The following PPP4R3B variants were observed in gnomAD, a reference collection of about 807,000 sequenced individuals.
PPP4R3B encodes the protein protein phosphatase 4 regulatory subunit 3B, also known as serine/threonine-protein phosphatase 4 regulatory subunit 3B.
A neutral mutation model predicts 95.4 loss-of-function variants in PPP4R3B; 52 were observed. That is an observed-to-expected ratio of 0.54 (90% CI 0.44 to 0.69). PPP4R3B has a LOEUF of 0.69. PPP4R3B is among the 30% of genes least tolerant of loss of function. The pLI is 0.00. For synonymous variants in PPP4R3B, 407 were observed against 343.9 expected (o/e 1.18, Z -2.03); for missense variants, 1,003 against 1,005.9 (o/e 1.00, Z 0.04).
In PPP4R3B at chr2:55,578,873, C is replaced by A. The variant is rs56079154; in HGVS notation, c.1469-531G>T. On this transcript the variant is annotated intron_variant, in intron 9 of 16. Transcript: ENST00000616407. Reference sequence around the variant, plus strand: ...ATTATGCCCCACATATTTCTGATTTCACTAATTAAGTTGTACGCTTTTCAA... The same window carrying A: ...ATTATGCCCCACATATTTCTGATTTAACTAATTAAGTTGTACGCTTTTCAA... 7.5e-3 allele frequency among the ~76,000 whole-genome samples: 1,139 copies of A among 152,158 alleles called. 21 individuals are homozygous for A. Among genetic ancestry groups the A allele is most frequent in the African/African-American group, 0.026 (1,081 of 41,542 alleles).
At chr2:55,599,416 A>G (rs1035572803) in intron 3 of PPP4R3B, among the ~76,000 whole-genome samples, 3 of 152,110 alleles carry the variant, frequency 2.0e-5, no homozygotes. Context: ...CCAGCCTGGA[A>G]GACAAAGCAA....
At position 55,547,481 on chromosome 2, in the gene PPP4R3B, C is replaced by A. The variant is rs1467086544; in HGVS notation, c.*2430G>T. The A allele has an allele frequency of 6.6e-6, 1 of 152,182 alleles. No individual in the cohort carries two copies. The highest frequency in any genetic ancestry group is 2.4e-5 in the African/African-American group (1 of 41,440). 9.4% of individuals were successfully genotyped at this position (152,182 alleles called of 1,614,324 possible). The stretch of plus-strand genomic sequence containing the variant: ...AAGACAGCCGCTAACATGGAATTCT[C>A]ACAATTGTTCTTTTGAGGGATATTT... On this transcript the variant is annotated 3_prime_UTR_variant, in exon 17 of 17. Coordinates refer to ENST00000616407, the MANE Select transcript of PPP4R3B (RefSeq NM_001122964.3).
chr2:55,584,230 A>T (rs1260389446), intron 7 of PPP4R3B, among the ~76,000 whole-genome samples: 4 of 152,238 alleles, frequency 2.6e-5, no homozygotes, highest in African/African-American at 9.6e-5. Flanking sequence ...AAAAAAGAGT[A>T]CTTTTAATTA....
At chr2:55,567,989 A>G in intron 13 of PPP4R3B, 1 of 297,254 alleles carries the variant, frequency 3.4e-6, no homozygotes, top group Non-Finnish European at 6.0e-6. Flanking sequence ...AAAAACCACT[A>G]AACTATAACC....
intron 4 of PPP4R3B, among the ~76,000 whole-genome samples, chr2:55,596,372 G>A (rs111751984): frequency 3.3e-5 from 5 of 151,994 alleles, no homozygotes; most frequent in Non-Finnish European, 7.4e-5. Flanking sequence ...TTCAACAAAC[G>A]AATCCTCGGG....
intron 2 of PPP4R3B, among the ~76,000 whole-genome samples, chr2:55,609,564 T>A (rs1693876480): frequency 6.6e-6 from 1 of 151,228 alleles, no homozygotes; most frequent in Non-Finnish European, 1.5e-5. Flanking sequence ...TCCCAGCTAC[T>A]CAGGAGGCTG....
rs1052082753 is a variant in PPP4R3B, at chr2:55,568,123, T to G, written c.1935+71A>C. ...AGGGAATGAAGTCACTTTGCTTACA[T>G]GTAATTCTTTTACATAAAAAATTAT... On this transcript the variant is annotated intron_variant, in intron 13 of 16. Transcript: ENST00000616407. 25 of 1,085,340 alleles carry G rather than the reference T, an allele frequency of 2.3e-5. No individual in the cohort carries two copies. In the African/African-American group the frequency reaches 4.1e-4, roughly 18 times the overall value. The allele number at this position is 1,085,340 out of a possible 1,614,324, so 67.2% of individuals were successfully genotyped here. A position where few individuals can be genotyped will look rare whatever the true frequency, so the allele number is the denominator to read the frequency against.
At chr2:55,552,378 C>A (rs556176514) in intron 16 of PPP4R3B, among the ~76,000 whole-genome samples, 1 of 152,132 alleles carries the variant, frequency 6.6e-6, no homozygotes, top group South Asian at 2.1e-4. Context: ...TTGTTTTAAA[C>A]CCTTGCATTC....
chr2:55,589,931 T>C (rs1559013443), intron 4 of PPP4R3B, among the ~76,000 whole-genome samples: 1 of 131,828 alleles, frequency 7.6e-6, no homozygotes, highest in African/African-American at 2.6e-5. Context: ...AAAAAAAAAT[T>C]ATATATATAT....
chr2:55,592,460 A>G (rs1424411641), intron 4 of PPP4R3B, among the ~76,000 whole-genome samples: 2 of 152,202 alleles, frequency 1.3e-5, no homozygotes, highest in East Asian at 3.8e-4. Context: ...AATATATTAA[A>G]TCCTGTACTT....
chr2:55,587,420 C>T (rs919656495), intron 5 of PPP4R3B, among the ~76,000 whole-genome samples: 5 of 152,242 alleles, frequency 3.3e-5, no homozygotes, highest in Admixed American at 2.6e-4. Flanking sequence ...CCTGTCTCTA[C>T]TAAAAATACA....
At chr2:55,612,789 C>CA (rs898244024) in intron 2 of PPP4R3B, among the ~76,000 whole-genome samples, 1 of 151,858 alleles carries the variant, frequency 6.6e-6, no homozygotes, top group South Asian at 2.1e-4. Flanking sequence ...CTAAAAAATA[C>CA]AAAAAAATTA....
chr2:55,573,778 C>A lies in PPP4R3B; in HGVS notation c.1607-1G>T. On this transcript the variant is annotated splice_acceptor_variant, in intron 11 of 16. Coordinates refer to ENST00000616407, the MANE Select transcript of PPP4R3B (RefSeq NM_001122964.3). LOFTEE classifies it high-confidence loss of function. The stretch of plus-strand genomic sequence containing the variant: ...AGTAGCTGTGCTGTTTGATAATTAT[C>A]TACAAAAGAAAGTAATCTCATGAAA... 6.7e-7 allele frequency: 1 copy of A among 1,489,558 alleles called. No homozygotes were observed. Among genetic ancestry groups the A allele is most frequent in the South Asian group, 1.4e-5 (1 of 73,308 alleles). The allele number at this position is 1,489,558 out of a possible 1,614,324, so 92.3% of individuals were successfully genotyped here.
At chr2:55,573,302 T>G (rs1381307518) in intron 12 of PPP4R3B, among the ~76,000 whole-genome samples, 2 of 151,956 alleles carry the variant, frequency 1.3e-5, no homozygotes, top group Non-Finnish European at 2.9e-5. Context: ...TTATAAAGAG[T>G]GACTGACTAC....
intron 1 of PPP4R3B, 72 bp downstream of exon 1, chr2:55,617,072 C>T (rs1695057734): frequency 2.7e-6 from 4 of 1,499,212 alleles, no homozygotes; most frequent in Non-Finnish European, 3.6e-6. Flanking sequence ...GGTAACGGGC[C>T]CAGGGCCCTA....
intron 10 of PPP4R3B, 57 bp from the exon 11 acceptor site, chr2:55,577,413 C>T: frequency 7.4e-7 from 1 of 1,347,430 alleles, no homozygotes. Flanking sequence ...TCCCAGATTT[C>T]CCTAGTACTT....
chr2:55,554,571 T>C (rs1195801940), intron 16 of PPP4R3B, among the ~76,000 whole-genome samples: 1 of 152,256 alleles, frequency 6.6e-6, no homozygotes, highest in Non-Finnish European at 1.5e-5. Flanking sequence ...AAATGTCTGT[T>C]AAAATCCTTT....
In PPP4R3B at chr2:55,611,685, C is replaced by T. The variant is rs1291807140; in HGVS notation, c.198+3766G>A. Among the ~76,000 whole-genome samples, 7 of 152,116 alleles carry T rather than the reference C, an allele frequency of 4.6e-5. No homozygotes were observed. In the East Asian group the frequency reaches 1.3e-3, roughly 29 times the overall value. On this transcript the variant is annotated intron_variant, in intron 2 of 16. Coordinates refer to ENST00000616407, the MANE Select transcript of PPP4R3B (RefSeq NM_001122964.3). The stretch of plus-strand genomic sequence containing the variant: ...ATTTAGTAGTTGGCTCATTTTAAAA[C>T]TATAATGTTAAAAGAAGAATGTTAA...
intron 13 of PPP4R3B, 73 bp from the exon 14 acceptor site, chr2:55,565,114 T>C (rs1199295422): frequency 1.6e-6 from 2 of 1,258,740 alleles, no homozygotes; most frequent in Non-Finnish European, 1.1e-6. Flanking sequence ...AAATTTTGTT[T>C]TGTAGTTCTA....
Sources: allele counts gnomAD v4.1 joint callset (sites outside exome capture counted in the v4.1 genomes callset), GRCh38; gene constraint gnomAD v4.1.1; transcripts MANE v1.5; gene names NCBI Gene and HGNC (gene_info 2026-07-23, HGNC 2026-07-21).